The following ANKRD7 variants were observed in gnomAD, a reference collection of about 807,000 sequenced individuals.
ANKRD7 encodes ankyrin repeat domain 7, also known as ankyrin repeat domain-containing protein 7.
In ANKRD7, 30 loss-of-function variants were observed where a neutral mutation model predicts 30.8. The ratio of observed to expected loss-of-function variants is 0.97; its 90% confidence interval spans 0.73 to 1.32. ANKRD7 has a LOEUF of 1.32. Ranked by LOEUF, ANKRD7 falls within the 40% of genes most tolerant of loss-of-function variation. The pLI, the probability that ANKRD7 is intolerant of heterozygous loss-of-function variation, is 0.00. For missense variants in ANKRD7, 264 were observed against 295.7 expected (o/e 0.89, Z 0.79); for synonymous variants, 97 against 106.6 (o/e 0.91, Z 0.55).
intron 1 of ANKRD7, among the ~76,000 whole-genome samples, chr7:118,232,517 T>C (rs1203233842): frequency 2.0e-5 from 3 of 152,106 alleles, no homozygotes; most frequent in African/African-American, 7.2e-5. Context: ...GAATCTTTCA[T>C]GGCTATTTTA....
At chr7:118,234,041 T>G (rs1045891103) in intron 1 of ANKRD7, among the ~76,000 whole-genome samples, 2 of 152,192 alleles carry the variant, frequency 1.3e-5, no homozygotes, top group Non-Finnish European at 2.9e-5. Context: ...CAGCATGTCA[T>G]TGATTAAGTA....
intron 1 of ANKRD7, among the ~76,000 whole-genome samples, chr7:118,227,577 C>T (rs182228360): frequency 7.9e-5 from 12 of 152,240 alleles, no homozygotes; most frequent in Admixed American, 2.6e-4. Flanking sequence ...AAGGGTACTT[C>T]GGGGTTTCCT....
chr7:118,238,164 A>G (rs1584726436), intron 5 of ANKRD7, among the ~76,000 whole-genome samples: 1 of 152,168 alleles, frequency 6.6e-6, no homozygotes, highest in South Asian at 2.1e-4. Context: ...TCTCCCCCAA[A>G]TGGCTTTTAG....
In ANKRD7 at chr7:118,234,769, G is replaced by A. The variant is rs775094168; in HGVS notation, c.363G>A (p.Arg121=). 5.8e-5 allele frequency: 93 copies of A among 1,612,924 alleles called. No individual in the cohort carries two copies. Among genetic ancestry groups the A allele is most frequent in the African/African-American group, 8.0e-5 (6 of 74,838 alleles). ...LLNFGADPDL[R]DIRYNTVLHY... ...ACTTTGGTGCAGACCCAGATCTGAG[G>A]GATATTCGTTATAATACTGTTCTTC... is the stretch of plus-strand genomic sequence containing the variant. Residue 121 remains arginine, a synonymous_variant, in exon 3 of 7, where the codon AGG becomes AGA. Coordinates refer to ENST00000265224, the MANE Select transcript of ANKRD7 (RefSeq NM_019644.4).
In ANKRD7 at chr7:118,237,277, G is replaced by A. The variant is rs201916524; in HGVS notation, c.712+351G>A. Among the ~76,000 whole-genome samples the A allele has an allele frequency of 5.3e-5, 8 of 152,136 alleles. No homozygotes were observed. In the East Asian group the frequency reaches 1.5e-3, roughly 29 times the overall value. On this transcript the variant is annotated intron_variant, in intron 5 of 6. Coordinates refer to ENST00000265224, the MANE Select transcript of ANKRD7 (RefSeq NM_019644.4). ...TGCCTTTAGATATTATTAATATATGGATTGTATTCATGTTTTGAATATTAT... is the reference window on the plus strand; with the variant it reads ...TGCCTTTAGATATTATTAATATATGAATTGTATTCATGTTTTGAATATTAT...
chr7:118,229,195 T>C (rs1019993170), intron 1 of ANKRD7, among the ~76,000 whole-genome samples: 1 of 152,038 alleles, frequency 6.6e-6, no homozygotes, highest in African/African-American at 2.4e-5. Context: ...CCTCAGATAG[T>C]CATATGACTT....
At chr7:118,230,306 G>A (rs370493993) in intron 1 of ANKRD7, among the ~76,000 whole-genome samples, 1 of 151,970 alleles carries the variant, frequency 6.6e-6, no homozygotes, top group African/African-American at 2.4e-5. Context: ...ATGGTGGGAT[G>A]GGCATGAGAG....
intron 1 of ANKRD7, among the ~76,000 whole-genome samples, chr7:118,228,742 G>A (rs186077502): frequency 5.3e-5 from 8 of 152,112 alleles, no homozygotes; most frequent in Admixed American, 5.2e-4. Flanking sequence ...AGCAAATCTT[G>A]TTGGCTCCTC....
At chr7:118,232,014 T>G (rs1214010001) in intron 1 of ANKRD7, among the ~76,000 whole-genome samples, 2 of 152,136 alleles carry the variant, frequency 1.3e-5, no homozygotes, top group African/African-American at 2.4e-5. Flanking sequence ...TAATATTGAT[T>G]TTAAAATGTT....
intron 6 of ANKRD7, 25 bp downstream of exon 6, chr7:118,240,023 T>G (rs762512919): frequency 7.8e-7 from 1 of 1,281,036 alleles, no homozygotes; most frequent in Non-Finnish European, 1.0e-6. Flanking sequence ...TGGATTAGTG[T>G]TTTTTTCTTG....
chr7:118,233,542 TA>T (rs1465589663), intron 1 of ANKRD7, among the ~76,000 whole-genome samples: 1 of 152,140 alleles, frequency 6.6e-6, no homozygotes, highest in Non-Finnish European at 1.5e-5. Context: ...AAAATTGCCT[TA>T]TTTTTAAGTA....
At chr7:118,225,434 G>C (rs576164095) in intron 1 of ANKRD7, among the ~76,000 whole-genome samples, 5 of 151,340 alleles carry the variant, frequency 3.3e-5, no homozygotes, top group African/African-American at 1.2e-4. Context: ...GTTGCAGTGA[G>C]CCGAGATCGG....
At chr7:118,225,527 C>G (rs372268949) in intron 1 of ANKRD7, among the ~76,000 whole-genome samples, 1 of 151,970 alleles carries the variant, frequency 6.6e-6, no homozygotes, top group Non-Finnish European at 1.5e-5. Context: ...TATTTTCTAC[C>G]CTTCCTGAAT....
Position 118,235,320 on chromosome 7 carries a change from A to G in ANKRD7, c.468+446A>G, listed in dbSNP as rs115738399. 6.2e-3 allele frequency among the ~76,000 whole-genome samples: 941 copies of G among 152,286 alleles called. 12 individuals are homozygous for G. The highest frequency in any genetic ancestry group is 0.021 in the African/African-American group (882 of 41,560). ...ATGAATAGCCGATGAATTTTTTTAA[A>G]AAGTGTATTGAGCCGGGCATGGTGG... is the stretch of plus-strand genomic sequence containing the variant. On this transcript the variant is annotated intron_variant, in intron 3 of 6. Coordinates refer to ENST00000265224, the MANE Select transcript of ANKRD7 (RefSeq NM_019644.4).
intron 5 of ANKRD7, among the ~76,000 whole-genome samples, chr7:118,239,579 G>A (rs1462328777): frequency 6.6e-6 from 1 of 152,134 alleles, no homozygotes; most frequent in Non-Finnish European, 1.5e-5. Flanking sequence ...ATTAGTTTCT[G>A]TTTAAGCTGC....
At chr7:118,226,215 C>T (rs1809538216) in intron 1 of ANKRD7, among the ~76,000 whole-genome samples, 1 of 152,206 alleles carries the variant, frequency 6.6e-6, no homozygotes, top group Admixed American at 6.5e-5. Flanking sequence ...TAGGCTCTGT[C>T]TTGGCATACT....
chr7:118,228,910 CT>C (rs1809587214), intron 1 of ANKRD7, among the ~76,000 whole-genome samples: 1 of 152,168 alleles, frequency 6.6e-6, no homozygotes, highest in Non-Finnish European at 1.5e-5. Context: ...CAGAATGATC[CT>C]GTGTAATGTA....
At chr7:118,227,413 CTTCAGCAAGAGGGTGT>C (rs1230995461) in intron 1 of ANKRD7, among the ~76,000 whole-genome samples, 2 of 152,146 alleles carry the variant, frequency 1.3e-5, no homozygotes, top group Non-Finnish European at 2.9e-5. Flanking sequence ...GAGGCAGAAT[CTTCAGCAAGAGGGTGT>C]TCTGAATCTC....
intron 1 of ANKRD7, among the ~76,000 whole-genome samples, chr7:118,231,222 CT>C (rs1223342572): frequency 1.3e-5 from 2 of 152,052 alleles, no homozygotes; most frequent in Admixed American, 1.3e-4. Flanking sequence ...ATCGGAATAG[CT>C]CCCTGTTAAT....
Sources: allele counts gnomAD v4.1 joint callset (sites outside exome capture counted in the v4.1 genomes callset), GRCh38; gene constraint gnomAD v4.1.1; transcripts MANE v1.5; gene names NCBI Gene and HGNC (gene_info 2026-07-23, HGNC 2026-07-21).